Variants in ALDH8A1 observed in about 807,000 individuals in gnomAD.
ALDH8A1 encodes 2-aminomuconic semialdehyde dehydrogenase.
A neutral mutation model predicts 43.3 loss-of-function variants in ALDH8A1; 39 were observed. The ratio of observed to expected loss-of-function variants is 0.90; its 90% CI spans 0.70 to 1.18. The LOEUF (loss-of-function observed/expected upper bound fraction) is 1.18. Among genes scored for constraint, ALDH8A1 ranks in the 50% most tolerant of loss-of-function variants. ALDH8A1 has a pLI of 0.00. For missense variants in ALDH8A1, 605 were observed against 622.6 expected, an observed-to-expected ratio of 0.97 and a Z score of 0.30; for synonymous variants, 233 against 243.5, an observed-to-expected ratio of 0.96 and a Z score of 0.40.
At chr6:134,932,746 G>C (rs1777005451) in intron 5 of ALDH8A1, 30 bp downstream of exon 5, 1 of 1,607,268 alleles carries the variant, frequency 6.2e-7, no homozygotes, top group African/African-American at 1.3e-5. Flanking sequence ...GGGCCATGGA[G>C]GGGAGGGAGA....
chr6:134,926,765 C>T (rs1395953201), intron 6 of ALDH8A1, among the ~76,000 whole-genome samples: 4 of 151,704 alleles, frequency 2.6e-5, no homozygotes, highest in African/African-American at 9.7e-5. Flanking sequence ...GCCAAGACCA[C>T]GCCATTGCAC....
At position 134,929,073 on chromosome 6, in the gene ALDH8A1, C is replaced by G. The variant is rs1776933386; in HGVS notation, c.992G>C (p.Ser331Thr). The part of the protein sequence containing the change: ...DPLVSIGALI[S>T]KAHLEKVRSY... ...ACTTACTTTCTCCAAATGTGCTTTACTTATCAGAGCACCTATGCTCACCAG... is the reference window on the plus strand; with the variant it reads ...ACTTACTTTCTCCAAATGTGCTTTAGTTATCAGAGCACCTATGCTCACCAG... The change falls in exon 6 of 7, where the codon AGT becomes ACT. Residue 331 changes from serine (S) to threonine (T), a missense_variant. Physicochemically the swap from Ser to Thr is moderately conservative, Grantham distance 58. Transcript: ENST00000265605. 7.4e-6 allele frequency: 12 copies of G among 1,613,842 alleles called. No individual in the cohort carries two copies. Among genetic ancestry groups the G allele is most frequent in the Non-Finnish European group, 1.0e-5 (12 of 1,179,996 alleles).
intron 3 of ALDH8A1, among the ~76,000 whole-genome samples, chr6:134,939,741 T>C (rs937594904): frequency 1.1e-4 from 16 of 152,244 alleles, no homozygotes; most frequent in Admixed American, 5.9e-4. Context: ...TAAATCATTC[T>C]ATTATAAAGA....
At chr6:134,945,000 A>C (rs1246885087) in intron 1 of ALDH8A1, among the ~76,000 whole-genome samples, 1 of 150,394 alleles carries the variant, frequency 6.6e-6, no homozygotes, top group Non-Finnish European at 1.5e-5. Flanking sequence ...GGAATCTCTA[A>C]AGCTTCTAAC....
chr6:134,929,774 T>C (rs1181672001), intron 5 of ALDH8A1, among the ~76,000 whole-genome samples: 1 of 152,136 alleles, frequency 6.6e-6, no homozygotes, highest in Non-Finnish European at 1.5e-5. Flanking sequence ...TGCAGTCTCA[T>C]AGGTTCATAA....
chr6:134,931,623 C>G (rs1161957765), intron 5 of ALDH8A1, among the ~76,000 whole-genome samples: 1 of 152,128 alleles, frequency 6.6e-6, no homozygotes, highest in Non-Finnish European at 1.5e-5. Context: ...TCTCAGTCCA[C>G]AAAATTTGTC....
intron 4 of ALDH8A1, among the ~76,000 whole-genome samples, chr6:134,935,653 G>A (rs1773722001): frequency 1.3e-5 from 2 of 152,174 alleles, no homozygotes; most frequent in Non-Finnish European, 2.9e-5. Flanking sequence ...TCTCGGCTTT[G>A]TGACCTGCTT....
chr6:134,940,309 G>A (rs1773832547), intron 3 of ALDH8A1: 2 of 204,182 alleles, frequency 9.8e-6, no homozygotes, highest in African/African-American at 4.7e-5. Flanking sequence ...TTTATAGACT[G>A]AGCTTTACTT....
intron 1 of ALDH8A1, among the ~76,000 whole-genome samples, chr6:134,947,534 A>T (rs1562261952): frequency 6.6e-6 from 1 of 152,154 alleles, no homozygotes; most frequent in Admixed American, 6.5e-5. Flanking sequence ...ATATATACAT[A>T]TACAACTCAA....
chr6:134,946,169 G>A (rs936434696), intron 1 of ALDH8A1, among the ~76,000 whole-genome samples: 1 of 152,166 alleles, frequency 6.6e-6, no homozygotes, highest in African/African-American at 2.4e-5. Context: ...TTTTAGCTGA[G>A]CTGAAGTAAG....
intron 6 of ALDH8A1, among the ~76,000 whole-genome samples, chr6:134,928,706 T>C (rs997088795): frequency 6.6e-5 from 10 of 152,234 alleles, no homozygotes; most frequent in African/African-American, 2.4e-4. Context: ...AGGCAGGCCT[T>C]TTCCAAAGAG....
At chr6:134,931,473 A>G (rs1163311753) in intron 5 of ALDH8A1, among the ~76,000 whole-genome samples, 5 of 145,794 alleles carry the variant, frequency 3.4e-5, no homozygotes, top group Non-Finnish European at 7.4e-5. Flanking sequence ...CATGTTGGCC[A>G]GGCTGGTCTC....
At chr6:134,948,047 C>T (rs1773984139) in intron 1 of ALDH8A1, among the ~76,000 whole-genome samples, 1 of 152,082 alleles carries the variant, frequency 6.6e-6, no homozygotes, top group African/African-American at 2.4e-5. Context: ...GGTATATATA[C>T]ACAATGGAAT....
intron 6 of ALDH8A1, among the ~76,000 whole-genome samples, chr6:134,926,674 T>C (rs1286850454): frequency 6.6e-6 from 1 of 152,100 alleles, no homozygotes; most frequent in South Asian, 2.1e-4. Flanking sequence ...CTGGGTGTGG[T>C]GGCACACACC....
intron 4 of ALDH8A1, among the ~76,000 whole-genome samples, chr6:134,934,858 T>A (rs1773701206): frequency 6.6e-6 from 1 of 151,054 alleles, no homozygotes; most frequent in Non-Finnish European, 1.5e-5. Flanking sequence ...GGTAGCAGAG[T>A]CTTGTGATAG....
intron 6 of ALDH8A1, among the ~76,000 whole-genome samples, chr6:134,919,919 T>C (rs1161938763): frequency 1.3e-5 from 2 of 152,054 alleles, no homozygotes; most frequent in Non-Finnish European, 2.9e-5. Flanking sequence ...AGTTAAAGAC[T>C]TTTTTTACAG....
At chr6:134,921,613 T>C (rs1010396386) in intron 6 of ALDH8A1, among the ~76,000 whole-genome samples, 1 of 152,170 alleles carries the variant, frequency 6.6e-6, no homozygotes, top group Admixed American at 6.5e-5. Context: ...CATATTCTAA[T>C]TGGATTATTT....
At chr6:134,944,096 C>G (rs1773910335) in intron 1 of ALDH8A1, 130 bp from the exon 2 acceptor site, 2 of 1,267,808 alleles carry the variant, frequency 1.6e-6, no homozygotes, top group African/African-American at 3.0e-5. Flanking sequence ...TAGATGGATT[C>G]TCACTCTGTA....
In ALDH8A1 at chr6:134,932,989, G is replaced by C. The variant is rs745792591; in HGVS notation, c.636C>G (p.Pro212=). 2 of 1,608,320 alleles carry C rather than the reference G, an allele frequency of 1.2e-6. No homozygotes were observed. Among genetic ancestry groups the C allele is most frequent in the Non-Finnish European group, 1.7e-6 (2 of 1,177,280 alleles). The change falls in exon 5 of 7, where the codon CCC becomes CCG. Residue 212 remains proline, a synonymous_variant. Transcript: ENST00000265605. The stretch of plus-strand genomic sequence containing the variant: ...GGGACACCAGGGCCTCACCCACCCT[G>C]GGCCCGGTTCCAAACACAATATTGA... ...GVVNIVFGTG[P]RVGEALVSHP... is the part of the protein sequence containing the mutation.
Sources: allele counts gnomAD v4.1 joint callset (sites outside exome capture counted in the v4.1 genomes callset), GRCh38; gene constraint gnomAD v4.1.1; transcripts MANE v1.5; gene names NCBI Gene and HGNC (gene_info 2026-07-23, HGNC 2026-07-21).